Variants in MAGI2 observed in about 807,000 individuals in gnomAD.
MAGI2 encodes the protein membrane-associated guanylate kinase, WW and PDZ domain-containing protein 2.
In MAGI2, 35 loss-of-function variants were observed where a neutral mutation model predicts 133.3. That is an observed-to-expected ratio of 0.26 (90% CI 0.20 to 0.35). The LOEUF is 0.35. MAGI2 is among the 10% of genes least tolerant of loss of function. The pLI is 1.00. For synonymous variants in MAGI2, 729 were observed against 710.6 expected, an observed-to-expected ratio of 1.03 and a Z score of -0.41; for missense variants, 1,636 against 1,863.4, an observed-to-expected ratio of 0.88 and a Z score of 2.25.
At chr7:79,322,363 A>C (rs1400380633) in intron 1 of MAGI2, among the ~76,000 whole-genome samples, 1 of 152,154 alleles carries the variant, frequency 6.6e-6, no homozygotes, top group Non-Finnish European at 1.5e-5. Context: ...ATTGACTTTA[A>C]ATCTTCAGAA....
chr7:78,584,421 GAAAAA>G (rs57844382), intron 3 of MAGI2, among the ~76,000 whole-genome samples: 112 of 83,940 alleles, frequency 1.3e-3, no homozygotes, highest in African/African-American at 4.2e-3. Flanking sequence ...CTCCGTCTCA[GAAAAA>G]AAAAAAAAAA....
chr7:78,366,661 A>G (rs531135633), intron 7 of MAGI2, among the ~76,000 whole-genome samples: 1 of 152,222 alleles, frequency 6.6e-6, no homozygotes, highest in Non-Finnish European at 1.5e-5. Flanking sequence ...TAATGTATAC[A>G]TCATATACAA....
chr7:79,248,704 A>G (rs908533690), intron 1 of MAGI2, among the ~76,000 whole-genome samples: 1 of 152,108 alleles, frequency 6.6e-6, no homozygotes, highest in Non-Finnish European at 1.5e-5. Context: ...CCAAAAATCA[A>G]TGACAAGAGG....
At chr7:78,955,497 A>T (rs1802223440) in intron 2 of MAGI2, among the ~76,000 whole-genome samples, 1 of 152,036 alleles carries the variant, frequency 6.6e-6, no homozygotes, top group Admixed American at 6.6e-5. Flanking sequence ...AATTGTCTGA[A>T]GTCGGAAAAA....
At chr7:78,502,370 C>G (rs894464176) in intron 4 of MAGI2, among the ~76,000 whole-genome samples, 5 of 152,136 alleles carry the variant, frequency 3.3e-5, no homozygotes, top group African/African-American at 9.6e-5. Flanking sequence ...TATTAGTGGC[C>G]TCTAGAATCT....
chr7:78,019,828 A>C lies in MAGI2; in HGVS notation c.3855T>G (p.Thr1285=), dbSNP rs569789697. ...DPSHQISPGP[T]WDIKREHDVR... ...CGTCGTGTTCCCGTTTGATATCCCA[A>C]GTTGGGCCTGGGCTTATCTGGTGGG... is the stretch of plus-strand genomic sequence containing the variant. The change falls in exon 22 of 22, where the codon ACT becomes ACG. Residue 1285 remains threonine (T), a synonymous_variant. Transcript: ENST00000354212. 3.2e-5 allele frequency: 51 copies of C among 1,613,332 alleles called. No individual in the cohort carries two copies. In the South Asian group the frequency reaches 4.5e-4, roughly 14 times the overall value.
At chr7:78,093,565 C>T (rs1817437580) in intron 20 of MAGI2, among the ~76,000 whole-genome samples, 1 of 152,158 alleles carries the variant, frequency 6.6e-6, no homozygotes, top group Non-Finnish European at 1.5e-5. Flanking sequence ...GTCACAAGAG[C>T]TGACTACAAT....
chr7:78,273,249 T>G (rs1794754756), intron 9 of MAGI2, among the ~76,000 whole-genome samples: 1 of 152,288 alleles, frequency 6.6e-6, no homozygotes, highest in African/African-American at 2.4e-5. Context: ...TCTTTAAGAA[T>G]GTTGAATATT....
chr7:78,703,557 T>C (rs1585135550), intron 2 of MAGI2, among the ~76,000 whole-genome samples: 1 of 152,054 alleles, frequency 6.6e-6, no homozygotes, highest in Admixed American at 6.6e-5. Flanking sequence ...ATGACTGTTC[T>C]AGATACAACA....
chr7:78,783,652 G>T (rs952837104), intron 2 of MAGI2, among the ~76,000 whole-genome samples: 1 of 152,070 alleles, frequency 6.6e-6, no homozygotes, highest in Non-Finnish European at 1.5e-5. Context: ...AATTACAGTG[G>T]GTGAATCCAC....
intron 3 of MAGI2, among the ~76,000 whole-genome samples, chr7:78,555,170 A>C (rs115929767): frequency 1.5e-5 from 1 of 66,112 alleles, no homozygotes; most frequent in Non-Finnish European, 5.5e-5. Context: ...ATAAATAAAT[A>C]AATGAATGAT....
intron 2 of MAGI2, among the ~76,000 whole-genome samples, chr7:78,900,589 T>C (rs368329712): frequency 1.3e-5 from 2 of 152,178 alleles, no homozygotes; most frequent in African/African-American, 4.8e-5. Context: ...TCAGATATCA[T>C]CTCAGAGATG....
chr7:78,750,922 T>C (rs1187132189), intron 2 of MAGI2, among the ~76,000 whole-genome samples: 1 of 152,170 alleles, frequency 6.6e-6, no homozygotes, highest in African/African-American at 2.4e-5. Context: ...AAATCTCACA[T>C]CTTGTCTATA....
chr7:79,077,321 G>C (rs1364720634), intron 1 of MAGI2, among the ~76,000 whole-genome samples: 1 of 151,868 alleles, frequency 6.6e-6, no homozygotes, highest in Non-Finnish European at 1.5e-5. Flanking sequence ...ACTTTGGAAG[G>C]CCGAGGCGGG....
At chr7:78,791,309 T>C (rs1267956456) in intron 2 of MAGI2, among the ~76,000 whole-genome samples, 1 of 152,030 alleles carries the variant, frequency 6.6e-6, no homozygotes, top group Non-Finnish European at 1.5e-5. Context: ...ATTGGAAAAG[T>C]TTTTTGAGGA....
intron 3 of MAGI2, among the ~76,000 whole-genome samples, chr7:78,587,115 T>G (rs1803502415): frequency 1.3e-5 from 2 of 152,158 alleles, no homozygotes; most frequent in African/African-American, 4.8e-5. Flanking sequence ...ATTGCTGGAT[T>G]GTTTGACAGT....
chr7:78,048,309 A>T (rs1382356097), intron 21 of MAGI2, among the ~76,000 whole-genome samples: 1 of 152,178 alleles, frequency 6.6e-6, no homozygotes, highest in Non-Finnish European at 1.5e-5. Flanking sequence ...AGAACGCTCC[A>T]GTGGAGAAAA....
chr7:79,196,772 T>C (rs1424103796), intron 1 of MAGI2, among the ~76,000 whole-genome samples: 2 of 151,818 alleles, frequency 1.3e-5, no homozygotes, highest in Non-Finnish European at 2.9e-5. Context: ...TGCTTGTTTG[T>C]TTGTTTGTAT....
intron 21 of MAGI2, among the ~76,000 whole-genome samples, chr7:78,070,126 C>CCCAT (rs1814342114): frequency 7.3e-6 from 1 of 136,224 alleles, no homozygotes. Flanking sequence ...CACACACACA[C>CCCAT]ATATATGTGT....
Sources: gnomAD v4.1 joint callset for allele counts (sites outside exome capture counted in the v4.1 genomes callset) on GRCh38, gnomAD v4.1.1 for gene constraint, MANE v1.5 for transcripts, NCBI Gene and HGNC (gene_info 2026-07-23, HGNC 2026-07-21) for gene names.